OSBPL6: variants seen among roughly 807,000 people sequenced by gnomAD.
OSBPL6 encodes oxysterol binding protein like 6, also known as oxysterol-binding protein-related protein 6.
OSBPL6 carries 49 observed loss-of-function variants against 125.8 expected under a neutral mutation model. The observed-to-expected ratio is 0.39, with a 90% CI of 0.31 to 0.49. OSBPL6 has a LOEUF of 0.49. Among genes scored for constraint, OSBPL6 ranks in the 20% least tolerant of loss-of-function variants. The pLI, the probability that OSBPL6 is intolerant of heterozygous loss-of-function variation, is 0.88. For missense variants in OSBPL6, 986 were observed against 1,135.4 expected, an observed-to-expected ratio of 0.87 and a Z score of 1.89; for synonymous variants, 394 against 391.8, an observed-to-expected ratio of 1.01 and a Z score of -0.07.
intron 21 of OSBPL6, 111 bp from the exon 22 acceptor site, chr2:178,390,962 A>T (rs1458001643): frequency 2.9e-6 from 4 of 1,370,652 alleles, no homozygotes; most frequent in Non-Finnish European, 4.0e-6. Context: ...GTATTTCTGA[A>T]AATGGTTTGA....
At chr2:178,312,157 ATTTTTT>A (rs67156772) in intron 3 of OSBPL6, among the ~76,000 whole-genome samples, 1 of 101,208 alleles carries the variant, frequency 9.9e-6, no homozygotes, top group Non-Finnish European at 2.0e-5. Context: ...GATTTTTGTA[ATTTTTT>A]TTTTTTTTTT....
At chr2:178,250,803 G>C (rs1458029621) in intron 1 of OSBPL6, among the ~76,000 whole-genome samples, 1 of 152,066 alleles carries the variant, frequency 6.6e-6, no homozygotes, top group African/African-American at 2.4e-5. Context: ...GTACCTTCAT[G>C]GTGCTGAACC....
chr2:178,369,374 A>G (rs546307626), intron 13 of OSBPL6, among the ~76,000 whole-genome samples: 5 of 152,316 alleles, frequency 3.3e-5, no homozygotes, highest in African/African-American at 9.6e-5. Context: ...TAAGCATCAG[A>G]AAATCCCCAA....
Position 178,397,990 on chromosome 2 carries a change from A to G in OSBPL6, c.*2431A>G, listed in dbSNP as rs1232968467. Reference sequence around the variant, plus strand: ...GGATTCAGATAGTCTGATTATTCCAATTCAAGTGTTCAGTTAAGTTTTAGT... The same window carrying G: ...GGATTCAGATAGTCTGATTATTCCAGTTCAAGTGTTCAGTTAAGTTTTAGT... On this transcript the variant is annotated 3_prime_UTR_variant, in exon 25 of 25. Transcript: ENST00000190611. 6.6e-6 allele frequency: 1 copy of G among 152,218 alleles called. No individual in the cohort carries two copies. The highest frequency in any genetic ancestry group is 2.1e-4 in the South Asian group (1 of 4,834). The allele number at this position is 152,218 out of a possible 1,614,324, so 9.4% of individuals were successfully genotyped here. A position where few individuals can be genotyped will look rare whatever the true frequency, so the allele number is the denominator to read the frequency against.
chr2:178,208,190 C>G (rs993528554), intron 1 of OSBPL6, among the ~76,000 whole-genome samples: 1 of 151,314 alleles, frequency 6.6e-6, no homozygotes, highest in African/African-American at 2.4e-5. Context: ...GAGGCTGAGG[C>G]ACGAGAATTG....
intron 2 of OSBPL6, among the ~76,000 whole-genome samples, chr2:178,286,985 T>A (rs1684752911): frequency 6.6e-6 from 1 of 152,040 alleles, no homozygotes; most frequent in South Asian, 2.1e-4. Flanking sequence ...AATGTTTCTG[T>A]CAATTTGATA....
chr2:178,213,473 A>G (rs941135097), intron 1 of OSBPL6, among the ~76,000 whole-genome samples: 1 of 151,786 alleles, frequency 6.6e-6, no homozygotes, highest in African/African-American at 2.4e-5. Context: ...TGTTGATTCT[A>G]CCGCTAACCA....
intron 11 of OSBPL6, among the ~76,000 whole-genome samples, chr2:178,345,991 A>C (rs1690674318): frequency 6.6e-6 from 1 of 152,120 alleles, no homozygotes; most frequent in African/African-American, 2.4e-5. Flanking sequence ...AGTTACGAGA[A>C]AAACTTTGCA....
intron 1 of OSBPL6, among the ~76,000 whole-genome samples, chr2:178,225,531 G>T (rs897184206): frequency 2.0e-5 from 3 of 152,196 alleles, no homozygotes; most frequent in East Asian, 3.8e-4. Flanking sequence ...ACAGAAAACC[G>T]TGGTGTCAGT....
chr2:178,384,213 G>C (rs1431488333), intron 18 of OSBPL6, 37 bp downstream of exon 18: 1 of 1,596,154 alleles, frequency 6.3e-7, no homozygotes, highest in Non-Finnish European at 8.6e-7. Flanking sequence ...TTCTATATAG[G>C]TAAGAGGACA....
intron 1 of OSBPL6, among the ~76,000 whole-genome samples, chr2:178,276,535 G>A (rs1264996915): frequency 6.6e-6 from 1 of 151,976 alleles, no homozygotes; most frequent in African/African-American, 2.4e-5. Flanking sequence ...ACCACACCCA[G>A]CTAATTTTTG....
chr2:178,348,045 T>G (rs1365157825), intron 11 of OSBPL6, among the ~76,000 whole-genome samples: 1 of 152,208 alleles, frequency 6.6e-6, no homozygotes, highest in African/African-American at 2.4e-5. Context: ...ATATTTTGAT[T>G]CTTTCCATCT....
chr2:178,251,613 G>A (rs1206577341), intron 1 of OSBPL6, among the ~76,000 whole-genome samples: 1 of 152,096 alleles, frequency 6.6e-6, no homozygotes, highest in Non-Finnish European at 1.5e-5. Context: ...ACCTGTGTTA[G>A]GGATCTTTTA....
chr2:178,400,915 T>C lies in OSBPL6; in HGVS notation c.*5356T>C, dbSNP rs1696085187. Reference sequence around the variant, plus strand: ...TATCCGCCATCAAGTAGTAACATGTTGTAACAGAAAGAATCCCATTAAGTC... The same window carrying C: ...TATCCGCCATCAAGTAGTAACATGTCGTAACAGAAAGAATCCCATTAAGTC... On this transcript the variant is annotated 3_prime_UTR_variant, in exon 25 of 25. Coordinates refer to ENST00000190611, the MANE Select transcript of OSBPL6 (RefSeq NM_032523.4). 1 of 152,222 alleles carries C rather than the reference T, an allele frequency of 6.6e-6. No individual in the cohort carries two copies. Among genetic ancestry groups the C allele is most frequent in the Admixed American group, 6.5e-5 (1 of 15,284 alleles). 9.4% of individuals were successfully genotyped at this position (152,222 alleles called of 1,614,324 possible).
intron 15 of OSBPL6, among the ~76,000 whole-genome samples, chr2:178,382,207 G>T (rs1292997105): frequency 6.6e-6 from 1 of 152,150 alleles, no homozygotes; most frequent in African/African-American, 2.4e-5. Flanking sequence ...CCCCTACTAA[G>T]ATAAGGAGCT....
intron 1 of OSBPL6, among the ~76,000 whole-genome samples, chr2:178,195,002 C>T (rs935173338): frequency 6.6e-6 from 1 of 152,174 alleles, no homozygotes; most frequent in African/African-American, 2.4e-5. Flanking sequence ...GCTCGCATTC[C>T]CTCGCGCGGG....
chr2:178,330,278 A>G (rs1689085616), intron 5 of OSBPL6, among the ~76,000 whole-genome samples: 1 of 152,260 alleles, frequency 6.6e-6, no homozygotes, highest in African/African-American at 2.4e-5. Context: ...ACTTTAATTT[A>G]GCACTTTCAG....
At position 178,402,536 on chromosome 2, in the gene OSBPL6, G is replaced by A. The variant is rs1696128114; in HGVS notation, c.*6977G>A. ...GGTCTAGCAGGACATTCTTGATCCA[G>A]GTCAGCTTCTTCCCTGAAAATAATA... On this transcript the variant is annotated 3_prime_UTR_variant, in exon 25 of 25. Transcript: ENST00000190611. 6.6e-6 allele frequency: 1 copy of A among 152,070 alleles called. No individual in the cohort carries two copies. Among genetic ancestry groups the A allele is most frequent in the Admixed American group, 6.6e-5 (1 of 15,264 alleles). The allele number at this position is 152,070 out of a possible 1,614,324, so 9.4% of individuals were successfully genotyped here. A position where few individuals can be genotyped will look rare whatever the true frequency, so the allele number is the denominator to read the frequency against.
At chr2:178,311,974 G>A (rs1687312099) in intron 3 of OSBPL6, among the ~76,000 whole-genome samples, 1 of 152,098 alleles carries the variant, frequency 6.6e-6, no homozygotes, top group Non-Finnish European at 1.5e-5. Flanking sequence ...AATTGAAATG[G>A]CGTCAAATTA....
Sources: gnomAD v4.1 joint callset for allele counts (sites outside exome capture counted in the v4.1 genomes callset) on GRCh38, gnomAD v4.1.1 for gene constraint, MANE v1.5 for transcripts, NCBI Gene and HGNC (gene_info 2026-07-23, HGNC 2026-07-21) for gene names.